CANT1: variants seen among roughly 807,000 people sequenced by gnomAD.
CANT1 encodes the protein soluble calcium-activated nucleotidase 1.
In CANT1, 26 loss-of-function variants were observed where a neutral mutation model predicts 30.0. The observed-to-expected ratio is 0.87, with a 90% confidence interval of 0.64 to 1.20. The LOEUF (loss-of-function observed/expected upper bound fraction) is 1.20. CANT1 is among the 50% of genes most tolerant of loss of function. The pLI is 0.00. For synonymous variants in CANT1, 246 were observed against 251.8 expected (o/e 0.98, Z 0.22); for missense variants, 518 against 563.0 (o/e 0.92, Z 0.81).
chr17:79,005,107 T>G (rs1599250657), intron 1 of CANT1, among the ~76,000 whole-genome samples: 3 of 34,186 alleles, frequency 8.8e-5, no homozygotes, highest in Admixed American at 3.8e-4. Context: ...AGAGGGGGGT[T>G]AGGGAGAAGG....
chr17:78,997,336 G>C lies in CANT1; in HGVS notation c.287C>G (p.Pro96Arg), dbSNP rs375718883. The C allele has an allele frequency of 8.7e-6, 14 of 1,614,052 alleles. No homozygotes were observed. The highest frequency in any genetic ancestry group is 3.3e-5 in the South Asian group (3 of 91,094). ...CCGAATCCCAGCCGGTGTCCTTTGT[G>C]GGGGAGACAGGGGGTAGGTGTCATT... is the stretch of plus-strand genomic sequence containing the variant. Reference protein sequence around the residue: ...WYNDTYPLSPPQRTPAGIRYR... With the variant: ...WYNDTYPLSPRQRTPAGIRYR... The change falls in exon 3 of 5, where the codon CCA (proline) becomes CGA (arginine). Residue 96 changes from proline to arginine, a missense_variant. Around this residue, in one of 3 missense-constraint regions of CANT1, gnomAD observed 249 missense variants for 268.8 expected, o/e 0.93. Coordinates refer to ENST00000392446, the MANE Select transcript of CANT1 (RefSeq NM_001159773.2). This position sits in a 1 kb window ranked among gnomAD's most constrained non-coding sequence, Gnocchi z 7.5.
In CANT1 at chr17:79,008,858, G is replaced by C. The variant is rs760126895; in HGVS notation, c.-147+806C>G. ...GAATCATTTGCATGCAGGAAGATGAGAGTGAGCTGTGTGCCTGGAGGAAGG... is the reference window on the plus strand; with the variant it reads ...GAATCATTTGCATGCAGGAAGATGACAGTGAGCTGTGTGCCTGGAGGAAGG... On this transcript the variant is annotated intron_variant, in intron 1 of 4. Transcript: ENST00000392446. The surrounding 1 kb of genome is among the most constrained non-coding windows in gnomAD (Gnocchi z 4.4). 6.6e-6 allele frequency among the ~76,000 whole-genome samples: 1 copy of C among 152,198 alleles called. No homozygotes were observed. Among genetic ancestry groups the C allele is most frequent in the Non-Finnish European group, 1.5e-5 (1 of 68,038 alleles).
At chr17:79,005,623 G>A (rs567791499) in intron 1 of CANT1, 22 of 152,224 alleles carry the variant, frequency 1.4e-4, no homozygotes, top group African/African-American at 5.3e-4. Flanking sequence ...CACCTCCTTG[G>A]AAGGGACGGG....
In CANT1 at chr17:78,995,311, A is replaced by AC; in HGVS notation, c.632-91dup. The stretch of plus-strand genomic sequence containing the variant: ...CACCCGGCCCCGCACCTGTCCTTAG[A>AC]CCCCGCACCTGACTCCCGCCCGGCT... On this transcript the variant is annotated intron_variant, in intron 3 of 4. Transcript: ENST00000392446. The surrounding 1 kb of genome is among the most constrained non-coding windows in gnomAD (Gnocchi z 5.7). 1 of 1,356,362 alleles carries AC rather than the reference A, an allele frequency of 7.4e-7. No individual in the cohort carries two copies. Among genetic ancestry groups the AC allele is most frequent in the Middle Eastern group, 2.5e-4 (1 of 4,042 alleles). The allele number at this position is 1,356,362 out of a possible 1,614,324, so 84.0% of individuals were successfully genotyped here. A position where few individuals can be genotyped will look rare whatever the true frequency, so the allele number is the denominator to read the frequency against.
Position 78,993,051 on chromosome 17 carries a change from C to T in CANT1, c.*499G>A. ...CCCTCACTCGTGACCATGCAATACCCTGCAACATAAACATTTTCTTTTCCA... is the reference window on the plus strand; with the variant it reads ...CCCTCACTCGTGACCATGCAATACCTTGCAACATAAACATTTTCTTTTCCA... On this transcript the variant is annotated 3_prime_UTR_variant, in exon 5 of 5. Coordinates refer to ENST00000392446, the MANE Select transcript of CANT1 (RefSeq NM_001159773.2). The surrounding 1 kb of genome is among the most constrained non-coding windows in gnomAD (Gnocchi z 4.5). The T allele has an allele frequency of 3.0e-6, 1 of 329,012 alleles. No homozygotes were observed. The highest frequency in any genetic ancestry group is 4.8e-5 in the East Asian group (1 of 21,034). The allele number at this position is 329,012 out of a possible 1,614,324, so 20.4% of individuals were successfully genotyped here.
intron 1 of CANT1, among the ~76,000 whole-genome samples, chr17:79,003,784 G>A (rs1218091669): frequency 6.6e-6 from 1 of 151,368 alleles, no homozygotes; most frequent in Admixed American, 6.6e-5. Context: ...GGCCTACAGG[G>A]ACAGGACCCC....
At chr17:78,999,845 G>A (rs914918636) in intron 1 of CANT1, among the ~76,000 whole-genome samples, 5 of 151,944 alleles carry the variant, frequency 3.3e-5, no homozygotes, top group Admixed American at 1.3e-4. Context: ...TAGAGATGCA[G>A]TTTCTCCATG....
In CANT1 at chr17:78,996,840, G is replaced by T. The variant is rs1213490465; in HGVS notation, c.631+152C>A. 28 of 1,060,352 alleles carry T rather than the reference G, an allele frequency of 2.6e-5. No homozygotes were observed. Among genetic ancestry groups the T allele is most frequent in the South Asian group, 3.8e-5 (3 of 79,598 alleles). 65.7% of individuals were successfully genotyped at this position (1,060,352 alleles called of 1,614,324 possible). A position where few individuals can be genotyped will look rare whatever the true frequency, so the allele number is the denominator to read the frequency against. Reference sequence around the variant, plus strand: ...TATGCTCCTGGCTAAGGGTAAGGGGGCCGCAGGTCAGAGCAAGAGGGAGAC... The same window carrying T: ...TATGCTCCTGGCTAAGGGTAAGGGGTCCGCAGGTCAGAGCAAGAGGGAGAC... On this transcript the variant is annotated intron_variant, in intron 3 of 4. Coordinates refer to ENST00000392446, the MANE Select transcript of CANT1 (RefSeq NM_001159773.2). This position sits in a 1 kb window ranked among gnomAD's most constrained non-coding sequence, Gnocchi z 5.1.
intron 1 of CANT1, among the ~76,000 whole-genome samples, chr17:78,999,565 T>A (rs2071170330): frequency 6.6e-6 from 1 of 151,548 alleles, no homozygotes; most frequent in Non-Finnish European, 1.5e-5. Context: ...AGCCTCAACC[T>A]CTGAGGCTCA....
rs767293298 is a variant in CANT1, at chr17:78,995,245, G to T, written c.632-24C>A. 1 of 1,607,690 alleles carries T rather than the reference G, an allele frequency of 6.2e-7. No homozygotes were observed. Among genetic ancestry groups the T allele is most frequent in the South Asian group, 1.1e-5 (1 of 90,604 alleles). ...GCCTGGCCAAGCAGAGTGTCCTTAGGCCCCGCACCCAGCTCCCGCCGCACC... is the reference window on the plus strand; with the variant it reads ...GCCTGGCCAAGCAGAGTGTCCTTAGTCCCCGCACCCAGCTCCCGCCGCACC... On this transcript the variant is annotated intron_variant, in intron 3 of 4. Coordinates refer to ENST00000392446, the MANE Select transcript of CANT1 (RefSeq NM_001159773.2). The surrounding 1 kb of genome is among the most constrained non-coding windows in gnomAD (Gnocchi z 5.7).
In CANT1 at chr17:78,998,465, C is replaced by T. The variant is rs540682957; in HGVS notation, c.-146-502G>A. Among the ~76,000 whole-genome samples, 5 of 152,372 alleles carry T rather than the reference C, an allele frequency of 3.3e-5. No individual in the cohort carries two copies. Among genetic ancestry groups the T allele is most frequent in the East Asian group, 3.9e-4 (2 of 5,190 alleles). ...GGAGGCCAGCGTGTCTGTGCCTTGGCGCCAAAGAACTGCTCGGCTCACTGC... is the reference window on the plus strand; with the variant it reads ...GGAGGCCAGCGTGTCTGTGCCTTGGTGCCAAAGAACTGCTCGGCTCACTGC... On this transcript the variant is annotated intron_variant, in intron 1 of 4. Coordinates refer to ENST00000392446, the MANE Select transcript of CANT1 (RefSeq NM_001159773.2). The surrounding 1 kb of genome is among the most constrained non-coding windows in gnomAD (Gnocchi z 4.5).
chr17:79,007,919 G>T (rs2071608187), intron 1 of CANT1: 1 of 152,244 alleles, frequency 6.6e-6, no homozygotes, highest in Non-Finnish European at 1.5e-5. Context: ...CCCGCTGCGA[G>T]TGGAGGGTTC....
In CANT1 at chr17:78,993,325, C is replaced by T; in HGVS notation, c.*225G>A. ...GGCCTTGAGTCAATGCCTGAAGTGA[C>T]CGAAATCACCACCAGATGGCAGCAT... On this transcript the variant is annotated 3_prime_UTR_variant, in exon 5 of 5. Coordinates refer to ENST00000392446, the MANE Select transcript of CANT1 (RefSeq NM_001159773.2). This position sits in a 1 kb window ranked among gnomAD's most constrained non-coding sequence, Gnocchi z 4.5. 1.7e-6 allele frequency: 1 copy of T among 602,208 alleles called. No individual in the cohort carries two copies. The highest frequency in any genetic ancestry group is 2.9e-6 in the Non-Finnish European group (1 of 344,488). The allele number at this position is 602,208 out of a possible 1,614,324, so 37.3% of individuals were successfully genotyped here. A position where few individuals can be genotyped will look rare whatever the true frequency, so the allele number is the denominator to read the frequency against.
chr17:79,006,780 C>A, intron 1 of CANT1, among the ~76,000 whole-genome samples: 1 of 152,222 alleles, frequency 6.6e-6, no homozygotes, highest in South Asian at 2.1e-4. Flanking sequence ...GGGATCATCG[C>A]CCCATGGACC....
At position 78,997,244 on chromosome 17, in the gene CANT1, T is replaced by C. The variant is rs976307747; in HGVS notation, c.379A>G (p.Ser127Gly). Residue 127 changes from serine to glycine, a missense_variant, in exon 3 of 5, where the codon AGT becomes GGT. Around this residue, in one of 3 missense-constraint regions of CANT1, gnomAD observed 249 missense variants for 268.8 expected, o/e 0.93. Transcript: ENST00000392446. This position sits in a 1 kb window ranked among gnomAD's most constrained non-coding sequence, Gnocchi z 7.5. ...GTCAGGTAGCCCTTTTTCAGGTAAC[T>C]GAACCAGGTGTTTTCCTCTTGGGCC... ...SRAQEENTWF[S>G]YLKKGYLTLS... 1 of 1,614,238 alleles carries C rather than the reference T, an allele frequency of 6.2e-7. No homozygotes were observed.
In CANT1 at chr17:78,992,739, C is replaced by T. The variant is rs748699382; in HGVS notation, c.*811G>A. On this transcript the variant is annotated 3_prime_UTR_variant, in exon 5 of 5. Coordinates refer to ENST00000392446, the MANE Select transcript of CANT1 (RefSeq NM_001159773.2). ...AGACTTGCTTCACCAGCCGCCACCG[C>T]TTCCTTACAATCTCCCGCACTGCTG... The T allele has an allele frequency of 1.7e-6, 1 of 596,428 alleles. No homozygotes were observed. Among genetic ancestry groups the T allele is most frequent in the East Asian group, 3.4e-5 (1 of 29,462 alleles). The allele number at this position is 596,428 out of a possible 1,614,324, so 36.9% of individuals were successfully genotyped here. A position where few individuals can be genotyped will look rare whatever the true frequency, so the allele number is the denominator to read the frequency against.
rs1366993112 is a variant in CANT1, at chr17:78,996,767, G to A, written c.631+225C>T. On this transcript the variant is annotated intron_variant, in intron 3 of 4. Coordinates refer to ENST00000392446, the MANE Select transcript of CANT1 (RefSeq NM_001159773.2). The surrounding 1 kb of genome is among the most constrained non-coding windows in gnomAD (Gnocchi z 5.1). ...CCCACGTCTCCCACAGGCCTCTAGCGATAAGCTCTTCCTCCTAGAAACTGC... is the reference window on the plus strand; with the variant it reads ...CCCACGTCTCCCACAGGCCTCTAGCAATAAGCTCTTCCTCCTAGAAACTGC... Among the ~76,000 whole-genome samples the A allele has an allele frequency of 6.6e-6, 1 of 152,160 alleles. No homozygotes were observed. The highest frequency in any genetic ancestry group is 2.4e-5 in the African/African-American group (1 of 41,436).
rs1357553952 is a variant in CANT1 at position 78,993,299 on chromosome 17, A to C, written c.*251T>G. ...GAAGAAACGACCCAGCCAGTTAGGC[A>C]GGCCTTGAGTCAATGCCTGAAGTGA... On this transcript the variant is annotated 3_prime_UTR_variant, in exon 5 of 5. Transcript: ENST00000392446. This position sits in a 1 kb window ranked among gnomAD's most constrained non-coding sequence, Gnocchi z 4.5. 1.8e-6 allele frequency: 1 copy of C among 545,746 alleles called. No individual in the cohort carries two copies. Among genetic ancestry groups the C allele is most frequent in the Non-Finnish European group, 3.3e-6 (1 of 303,968 alleles). The allele number at this position is 545,746 out of a possible 1,614,324, so 33.8% of individuals were successfully genotyped here.
chr17:78,997,722 G>T lies in CANT1; in HGVS notation c.-22-78C>A. On this transcript the variant is annotated intron_variant, in intron 2 of 4. Transcript: ENST00000392446. The surrounding 1 kb of genome is among the most constrained non-coding windows in gnomAD (Gnocchi z 7.5). ...CATCTTAGTTCCGGAAGCTGCAGGC[G>T]CTGGAGGCTGACTTTTCCAGAAGAA... 2 of 1,307,816 alleles carry T rather than the reference G, an allele frequency of 1.5e-6. No individual in the cohort carries two copies. The highest frequency in any genetic ancestry group is 2.1e-6 in the Non-Finnish European group (2 of 974,752). 81.0% of individuals were successfully genotyped at this position (1,307,816 alleles called of 1,614,324 possible). A position where few individuals can be genotyped will look rare whatever the true frequency, so the allele number is the denominator to read the frequency against.
Sources: gnomAD v4.1 joint callset for allele counts (sites outside exome capture counted in the v4.1 genomes callset) on GRCh38, gnomAD v4.1.1 for gene constraint, gnomAD v4.1.1 regional missense constraint, Gnocchi (gnomAD v3.1) non-coding constraint, MANE v1.5 for transcripts, NCBI Gene and HGNC (gene_info 2026-07-23, HGNC 2026-07-21) for gene names.